The following KIRREL3 variants were observed in gnomAD, a reference collection of about 807,000 sequenced individuals.
KIRREL3 encodes kirre like nephrin family adhesion molecule 3.
A neutral mutation model predicts 89.7 loss-of-function variants in KIRREL3; 36 were observed. The observed-to-expected ratio is 0.40, with a 90% CI of 0.31 to 0.53. The LOEUF (loss-of-function observed/expected upper bound fraction) is 0.53. Among genes scored for constraint, KIRREL3 ranks in the 20% least tolerant of loss-of-function variants. The pLI, the probability that KIRREL3 is intolerant of heterozygous loss-of-function variation, is 0.49. For synonymous variants in KIRREL3, 445 were observed against 441.4 expected (o/e 1.01, Z -0.10); for missense variants, 864 against 1,056.6 (o/e 0.82, Z 2.53).
rs2134244363 is a variant in KIRREL3 at position 126,459,830 on chromosome 11, C to G, written c.742+3327G>C. On this transcript the variant is annotated intron_variant, in intron 6 of 16. Transcript: ENST00000525144. This position sits in a 1 kb window ranked among gnomAD's most constrained non-coding sequence, Gnocchi z 4.8. ...GATTTTGTAGCACATTCATTTGAAA[C>G]TTGGCAGCTGGACACAGAGTCCAGA... Among the ~76,000 whole-genome samples the G allele has an allele frequency of 6.6e-6, 1 of 152,274 alleles. No individual in the cohort carries two copies. The highest frequency in any genetic ancestry group is 2.1e-4 in the South Asian group (1 of 4,826).
At position 126,768,162 on chromosome 11, in the gene KIRREL3, ATCC is replaced by A. The variant is rs766176361; in HGVS notation, c.56-205253_56-205251del. Among the ~76,000 whole-genome samples the A allele has an allele frequency of 0.016, 2,071 of 129,686 alleles. 54 individuals carry two copies. The highest frequency in any genetic ancestry group is 0.061 in the African/African-American group (1,964 of 32,180). The allele number at this position is 129,686 out of a possible 152,430, so 85.1% of individuals were successfully genotyped here. The stretch of plus-strand genomic sequence containing the variant: ...CATCCATCCATCCATCCATCCATCC[ATCC>A]ATCCAATCCATCCATCCATCCATCC... On this transcript the variant is annotated intron_variant, in intron 1 of 16. Coordinates refer to ENST00000525144, the MANE Select transcript of KIRREL3 (RefSeq NM_032531.4). The surrounding 1 kb of genome is among the most constrained non-coding windows in gnomAD (Gnocchi z 4.5).
intron 11 of KIRREL3, among the ~76,000 whole-genome samples, chr11:126,439,420 G>A (rs992556232): frequency 6.6e-6 from 1 of 151,626 alleles, no homozygotes; most frequent in Non-Finnish European, 1.5e-5. Flanking sequence ...TGCCCAGGCT[G>A]GTCTCAAACT....
intron 4 of KIRREL3, among the ~76,000 whole-genome samples, chr11:126,478,508 T>C (rs1957127415): frequency 6.6e-6 from 1 of 151,578 alleles, no homozygotes; most frequent in Non-Finnish European, 1.5e-5. Flanking sequence ...TTAAATCTTG[T>C]GTGTGTGTAT....
chr11:126,854,800 T>C (rs1377427998), intron 1 of KIRREL3, among the ~76,000 whole-genome samples: 1 of 152,232 alleles, frequency 6.6e-6, no homozygotes, highest in African/African-American at 2.4e-5. Flanking sequence ...AACCTCCATA[T>C]TGTTTTCAAC....
Position 126,527,937 on chromosome 11 carries a change from C to T in KIRREL3, c.134-1250G>A, listed in dbSNP as rs1379179377. 2.0e-5 allele frequency among the ~76,000 whole-genome samples: 3 copies of T among 152,156 alleles called. No individual in the cohort carries two copies. Among genetic ancestry groups the T allele is most frequent in the East Asian group, 1.9e-4 (1 of 5,198 alleles). On this transcript the variant is annotated intron_variant, in intron 2 of 16. Transcript: ENST00000525144. This position sits in a 1 kb window ranked among gnomAD's most constrained non-coding sequence, Gnocchi z 4.2. ...GAGTGGACAATGGAACATTGACATT[C>T]GCTGAGCATCTGGCCCACAGTACAA...
rs1386086690 is a variant in KIRREL3, at chr11:126,689,520, A to C, written c.56-126608T>G. On this transcript the variant is annotated intron_variant, in intron 1 of 16. Transcript: ENST00000525144. The surrounding 1 kb of genome is among the most constrained non-coding windows in gnomAD (Gnocchi z 5.2). ...GCACCCGAGGAGGATGAGTCTTCAGAGTTTCCAGCTGCCTTCTTGTCACCT... is the reference window on the plus strand; with the variant it reads ...GCACCCGAGGAGGATGAGTCTTCAGCGTTTCCAGCTGCCTTCTTGTCACCT... Among the ~76,000 whole-genome samples, 2 of 152,208 alleles carry C rather than the reference A, an allele frequency of 1.3e-5. No homozygotes were observed. The highest frequency in any genetic ancestry group is 2.9e-5 in the Non-Finnish European group (2 of 68,032).
intron 1 of KIRREL3, among the ~76,000 whole-genome samples, chr11:126,725,028 C>T (rs933070545): frequency 5.9e-5 from 9 of 152,034 alleles, no homozygotes; most frequent in South Asian, 2.1e-4. Flanking sequence ...GGAAAGTGGC[C>T]GAGTCAGGAA....
chr11:126,779,430 T>C (rs1458779800), intron 1 of KIRREL3, among the ~76,000 whole-genome samples: 4 of 152,192 alleles, frequency 2.6e-5, no homozygotes, highest in African/African-American at 4.8e-5. Flanking sequence ...AATTGCCTCC[T>C]GGGAAACAAT....
At chr11:126,560,022 T>C (rs920036414) in intron 2 of KIRREL3, among the ~76,000 whole-genome samples, 3 of 152,150 alleles carry the variant, frequency 2.0e-5, no homozygotes, top group Non-Finnish European at 4.4e-5. Context: ...AGAACAATTC[T>C]GGCACTTGTA....
chr11:126,547,338 A>AG (rs1938886323), intron 2 of KIRREL3, among the ~76,000 whole-genome samples: 1 of 152,248 alleles, frequency 6.6e-6, no homozygotes, highest in Non-Finnish European at 1.5e-5. Context: ...GAAGTTCTGC[A>AG]GGAAAGACTC....
intron 1 of KIRREL3, among the ~76,000 whole-genome samples, chr11:126,588,127 T>A (rs888455198): frequency 1.3e-5 from 2 of 152,188 alleles, no homozygotes; most frequent in African/African-American, 4.8e-5. Flanking sequence ...ATGGGCTTTA[T>A]TGTTCCCCGG....
intron 1 of KIRREL3, among the ~76,000 whole-genome samples, chr11:126,663,026 G>A (rs1243342922): frequency 1.3e-5 from 2 of 148,578 alleles, no homozygotes; most frequent in East Asian, 4.1e-4. Context: ...AAATACTATG[G>A]AAGAGCAGAT....
At chr11:126,913,796 T>C (rs770734085) in intron 1 of KIRREL3, among the ~76,000 whole-genome samples, 4 of 152,152 alleles carry the variant, frequency 2.6e-5, no homozygotes, top group Non-Finnish European at 5.9e-5. Context: ...TGAAGAAGCT[T>C]TGAAGAGGCC....
At chr11:126,509,930 TGAGCC>T (rs1435556007) in intron 4 of KIRREL3, among the ~76,000 whole-genome samples, 4 of 130,158 alleles carry the variant, frequency 3.1e-5, no homozygotes, top group African/African-American at 1.2e-4. Flanking sequence ...GAGGTTGCAG[TGAGCC>T]GAGATTGTGC....
intron 1 of KIRREL3, among the ~76,000 whole-genome samples, chr11:126,929,416 GC>G (rs1947847444): frequency 6.6e-6 from 1 of 152,158 alleles, no homozygotes; most frequent in Admixed American, 6.5e-5. Context: ...AAGGGGAGAG[GC>G]CTTTTGTGTA....
intron 12 of KIRREL3, among the ~76,000 whole-genome samples, chr11:126,436,432 T>C (rs900296324): frequency 6.6e-6 from 1 of 152,204 alleles, no homozygotes; most frequent in Non-Finnish European, 1.5e-5. Flanking sequence ...CATGACACTT[T>C]GGTGTCAGAC....
intron 7 of KIRREL3, among the ~76,000 whole-genome samples, chr11:126,450,923 A>G (rs575812522): frequency 4.8e-5 from 6 of 125,402 alleles, no homozygotes; most frequent in Admixed American, 2.3e-4. Context: ...GTCCACGTGC[A>G]TGTGTGCATG....
chr11:126,952,368 G>A (rs1948797851), intron 1 of KIRREL3, among the ~76,000 whole-genome samples: 1 of 151,868 alleles, frequency 6.6e-6, no homozygotes. Flanking sequence ...CTGGGCGAAA[G>A]AGCAAGACTG....
intron 1 of KIRREL3, among the ~76,000 whole-genome samples, chr11:126,901,727 C>T (rs1331799543): frequency 6.6e-6 from 1 of 152,204 alleles, no homozygotes; most frequent in Non-Finnish European, 1.5e-5. Flanking sequence ...TCCCATTCAT[C>T]TCCCCTACAT....
Sources: gnomAD v4.1 joint callset for allele counts (sites outside exome capture counted in the v4.1 genomes callset) on GRCh38, gnomAD v4.1.1 for gene constraint, Gnocchi (gnomAD v3.1) non-coding constraint, MANE v1.5 for transcripts, NCBI Gene and HGNC (gene_info 2026-07-23, HGNC 2026-07-21) for gene names.